The following TCF4 variants were observed in gnomAD, a reference collection of about 807,000 sequenced individuals.
TCF4 encodes the protein SL3-3 enhancer factor 2.
A neutral mutation model predicts 82.1 loss-of-function variants in TCF4; 3 were observed. That is an observed-to-expected ratio of 0.04 (90% confidence interval 0.02 to 0.09). TCF4 has a LOEUF of 0.09. Among genes scored for constraint, TCF4 ranks in the 10% least tolerant of loss-of-function variants. The pLI, the probability that TCF4 is intolerant of heterozygous loss-of-function variation, is 1.00. For synonymous variants in TCF4, 276 were observed against 309.6 expected (o/e 0.89, Z 1.14); for missense variants, 518 against 852.7 (o/e 0.61, Z 4.89).
chr18:55,225,086 CTTTTT>C lies in TCF4; in HGVS notation c.*2944_*2948del, dbSNP rs1411448686. 6.6e-6 allele frequency: 1 copy of C among 151,796 alleles called. No homozygotes were observed. Among genetic ancestry groups the C allele is most frequent in the African/African-American group, 2.4e-5 (1 of 41,324 alleles). The allele number at this position is 151,796 out of a possible 1,614,324, so 9.4% of individuals were successfully genotyped here. ...TAAAAAGGCCACATTCCCTTTTTTT[CTTTTT>C]TAATGGGGATACAACCCAATTAATA... is the stretch of plus-strand genomic sequence containing the variant. On this transcript the variant is annotated 3_prime_UTR_variant, in exon 20 of 20. Transcript: ENST00000354452.
At chr18:55,557,866 AG>A (rs2147251386) in intron 3 of TCF4, among the ~76,000 whole-genome samples, 1 of 152,262 alleles carries the variant, frequency 6.6e-6, no homozygotes, top group South Asian at 2.1e-4. Flanking sequence ...CTGAAATGAC[AG>A]TTCAGTCTGA....
At chr18:55,536,561 G>A (rs1031181260) in intron 3 of TCF4, among the ~76,000 whole-genome samples, 16 of 152,182 alleles carry the variant, frequency 1.1e-4, no homozygotes, top group East Asian at 5.8e-4. Flanking sequence ...AAAACGTATC[G>A]GAAGATAAAA....
At chr18:55,319,694 T>A (rs996811030) in intron 8 of TCF4, among the ~76,000 whole-genome samples, 1 of 151,020 alleles carries the variant, frequency 6.6e-6, no homozygotes, top group South Asian at 2.1e-4. Flanking sequence ...AAAAAAAAAA[T>A]CTAACAACCA....
At chr18:55,449,797 C>T (rs896700346) in intron 5 of TCF4, among the ~76,000 whole-genome samples, 2 of 152,138 alleles carry the variant, frequency 1.3e-5, no homozygotes, top group Non-Finnish European at 2.9e-5. Flanking sequence ...CCCCCTTCTC[C>T]ACCAAATGTT....
intron 9 of TCF4, among the ~76,000 whole-genome samples, chr18:55,278,392 T>C (rs540419305): frequency 6.6e-6 from 1 of 152,156 alleles, no homozygotes; most frequent in African/African-American, 2.4e-5. Flanking sequence ...ATTCCACATC[T>C]AAATTCAGGG....
chr18:55,596,115 G>C (rs1385892799), intron 2 of TCF4: 1 of 437,526 alleles, frequency 2.3e-6, no homozygotes, highest in Non-Finnish European at 4.6e-6. Flanking sequence ...CGCCTATCCC[G>C]GGTACTCAGG....
At chr18:55,565,438 A>T (rs1333610203) in intron 3 of TCF4, among the ~76,000 whole-genome samples, 2 of 152,222 alleles carry the variant, frequency 1.3e-5, no homozygotes, top group Non-Finnish European at 2.9e-5. Context: ...TCTGAGAGCA[A>T]ATGCCAGTAT....
At chr18:55,399,089 C>T (rs746570637) in intron 6 of TCF4, among the ~76,000 whole-genome samples, 20 of 152,152 alleles carry the variant, frequency 1.3e-4, no homozygotes, top group East Asian at 1.9e-4. Context: ...TAATTTTGTA[C>T]GGTTTTCACT....
chr18:55,299,754 C>T (rs1377284950), intron 8 of TCF4, among the ~76,000 whole-genome samples: 1 of 152,042 alleles, frequency 6.6e-6, no homozygotes, highest in Non-Finnish European at 1.5e-5. Context: ...TTCTTTTCTC[C>T]TCTTTGCCTC....
intron 8 of TCF4, among the ~76,000 whole-genome samples, chr18:55,283,108 C>T (rs535291570): frequency 1.3e-4 from 19 of 151,930 alleles, no homozygotes; most frequent in African/African-American, 4.6e-4. Flanking sequence ...TATAGAAATC[C>T]TGAGTTTAAC....
intron 3 of TCF4, among the ~76,000 whole-genome samples, chr18:55,498,499 T>C (rs963653541): frequency 6.6e-6 from 1 of 152,258 alleles, no homozygotes; most frequent in Non-Finnish European, 1.5e-5. Flanking sequence ...GAAAGCCTTA[T>C]GTAAACTTAC....
intron 3 of TCF4, among the ~76,000 whole-genome samples, chr18:55,547,337 G>A (rs1568368678): frequency 6.6e-6 from 1 of 152,146 alleles, no homozygotes; most frequent in South Asian, 2.1e-4. Flanking sequence ...ATTATTCTGG[G>A]AAGACAATTT....
At chr18:55,307,822 C>G (rs371553465) in intron 8 of TCF4, among the ~76,000 whole-genome samples, 1 of 152,184 alleles carries the variant, frequency 6.6e-6, no homozygotes, top group Non-Finnish European at 1.5e-5. Context: ...TCACCATAGG[C>G]TTCCAGTGCT....
chr18:55,333,752 T>A (rs779218952), intron 8 of TCF4, among the ~76,000 whole-genome samples: 4 of 152,216 alleles, frequency 2.6e-5, no homozygotes, highest in Non-Finnish European at 5.9e-5. Flanking sequence ...TTTTCAAGAC[T>A]GCAAGTTCAC....
chr18:55,575,832 C>A (rs1347702772), intron 3 of TCF4, among the ~76,000 whole-genome samples: 1 of 152,126 alleles, frequency 6.6e-6, no homozygotes, highest in African/African-American at 2.4e-5. Context: ...AAAGGTATAT[C>A]TGGCCACTTC....
intron 8 of TCF4, among the ~76,000 whole-genome samples, chr18:55,304,305 T>C (rs1009877545): frequency 5.3e-5 from 8 of 152,066 alleles, no homozygotes; most frequent in South Asian, 2.1e-4. Flanking sequence ...AACAAAAATA[T>C]AGGAATTCGA....
intron 8 of TCF4, among the ~76,000 whole-genome samples, chr18:55,285,742 A>G (rs1000196659): frequency 6.6e-6 from 1 of 152,182 alleles, no homozygotes; most frequent in African/African-American, 2.4e-5. Flanking sequence ...ACTCGCCGTC[A>G]GGACAGCTAT....
chr18:55,411,925 G>A (rs2094361342), intron 5 of TCF4, among the ~76,000 whole-genome samples: 1 of 152,054 alleles, frequency 6.6e-6, no homozygotes, highest in Non-Finnish European at 1.5e-5. Flanking sequence ...ATTTTTAGTA[G>A]AGATGGGGTT....
chr18:55,344,336 T>C (rs541796998), intron 8 of TCF4, among the ~76,000 whole-genome samples: 163 of 152,298 alleles, frequency 1.1e-3, no homozygotes, highest in African/African-American at 3.8e-3. Flanking sequence ...TCTACATTAT[T>C]TCGTAAATAT....
Sources: gnomAD v4.1 joint callset for allele counts (sites outside exome capture counted in the v4.1 genomes callset) on GRCh38, gnomAD v4.1.1 for gene constraint, MANE v1.5 for transcripts, NCBI Gene and HGNC (gene_info 2026-07-23, HGNC 2026-07-21) for gene names.